ZFYVE9: variants seen among roughly 807,000 people sequenced by gnomAD.
The protein encoded by ZFYVE9 is zinc finger FYVE domain-containing protein 9.
In ZFYVE9, 43 loss-of-function variants were observed where a neutral mutation model predicts 126.7. The ratio of observed to expected loss-of-function variants is 0.34; its 90% CI spans 0.27 to 0.44. ZFYVE9 has a LOEUF of 0.44. Ranked by LOEUF, ZFYVE9 falls within the 20% of genes least tolerant of loss-of-function variation. The pLI, the probability that ZFYVE9 is intolerant of heterozygous loss-of-function variation, is 1.00. For missense variants in ZFYVE9, 1,476 were observed against 1,697.0 expected, an observed-to-expected ratio of 0.87 and a Z score of 2.29; for synonymous variants, 521 against 597.4, an observed-to-expected ratio of 0.87 and a Z score of 1.87.
chr1:52,287,121 G>A (rs1349593043), intron 10 of ZFYVE9, among the ~76,000 whole-genome samples: 1 of 151,704 alleles, frequency 6.6e-6, no homozygotes, highest in Non-Finnish European at 1.5e-5. Flanking sequence ...GCAGAGTCTC[G>A]CTGTGTCGCC....
At chr1:52,223,208 T>G (rs933960938) in intron 2 of ZFYVE9, among the ~76,000 whole-genome samples, 1 of 152,152 alleles carries the variant, frequency 6.6e-6, no homozygotes, top group East Asian at 1.9e-4. Flanking sequence ...TTCTTTTCCC[T>G]CTCCCATTCA....
intron 12 of ZFYVE9, among the ~76,000 whole-genome samples, chr1:52,296,605 A>G (rs1042035689): frequency 1.3e-5 from 2 of 152,096 alleles, no homozygotes; most frequent in Non-Finnish European, 2.9e-5. Flanking sequence ...TGCTGCATAT[A>G]TGCACAGACT....
chr1:52,255,804 G>A (rs1645501387), intron 4 of ZFYVE9, among the ~76,000 whole-genome samples: 2 of 151,880 alleles, frequency 1.3e-5, no homozygotes, highest in South Asian at 4.2e-4. Flanking sequence ...GCAGTGAGCC[G>A]AGATTGCATC....
intron 8 of ZFYVE9, among the ~76,000 whole-genome samples, chr1:52,277,412 C>G (rs1047297341): frequency 1.6e-4 from 25 of 152,032 alleles, no homozygotes; most frequent in African/African-American, 5.8e-4. Context: ...CTTCTCCTAC[C>G]AAGAAAGAAC....
At chr1:52,291,458 T>C (rs1645919735) in intron 10 of ZFYVE9, among the ~76,000 whole-genome samples, 1 of 152,240 alleles carries the variant, frequency 6.6e-6, no homozygotes, top group African/African-American at 2.4e-5. Context: ...TGTTCCATCA[T>C]TGAGCAGCTC....
chr1:52,156,279 C>G (rs948785578), intron 1 of ZFYVE9, among the ~76,000 whole-genome samples: 3 of 152,214 alleles, frequency 2.0e-5, no homozygotes, highest in Admixed American at 6.5e-5. Flanking sequence ...CATACTACAT[C>G]TAGCATGGCA....
chr1:52,284,666 G>T (rs574641111), intron 10 of ZFYVE9, among the ~76,000 whole-genome samples: 1 of 152,062 alleles, frequency 6.6e-6, no homozygotes, highest in Admixed American at 6.5e-5. Flanking sequence ...TGATCCGCCC[G>T]CCTCGGCCTC....
intron 1 of ZFYVE9, chr1:52,162,923 A>G: frequency 2.0e-6 from 1 of 504,226 alleles, no homozygotes; most frequent in Non-Finnish European, 3.8e-6. Flanking sequence ...CGAGATCCTG[A>G]CCATCTCTCC....
intron 13 of ZFYVE9, among the ~76,000 whole-genome samples, chr1:52,309,324 A>G (rs1353519238): frequency 6.6e-6 from 1 of 152,122 alleles, no homozygotes; most frequent in African/African-American, 2.4e-5. Context: ...AAAAAATACA[A>G]AAAATTAGCT....
intron 2 of ZFYVE9, among the ~76,000 whole-genome samples, chr1:52,227,635 A>T (rs1572115949): frequency 6.6e-6 from 1 of 152,254 alleles, no homozygotes; most frequent in African/African-American, 2.4e-5. Context: ...GTTAAAACTC[A>T]TAGGAAGAGC....
rs928881894 is a variant in ZFYVE9 at position 52,162,018 on chromosome 1, ATCT to A, written c.-143+19617_-143+19619del. Among the ~76,000 whole-genome samples the A allele has an allele frequency of 4.6e-5, 7 of 151,996 alleles. No individual in the cohort carries two copies. In the East Asian group the frequency reaches 5.8e-4, roughly 13 times the overall value. On this transcript the variant is annotated intron_variant, in intron 1 of 18. Coordinates refer to ENST00000287727, the MANE Select transcript of ZFYVE9 (RefSeq NM_004799.4). The stretch of plus-strand genomic sequence containing the variant: ...GTTTACTCAAAATGACAACAATTAC[ATCT>A]TTAGGAGTATAATGTAGATACTAAA...
At chr1:52,291,481 C>G (rs1050626766) in intron 10 of ZFYVE9, among the ~76,000 whole-genome samples, 1 of 152,168 alleles carries the variant, frequency 6.6e-6, no homozygotes, top group Non-Finnish European at 1.5e-5. Context: ...GTCAGAAAGT[C>G]CTTTTGCAAT....
intron 1 of ZFYVE9, among the ~76,000 whole-genome samples, chr1:52,174,085 A>G (rs2124528789): frequency 6.6e-6 from 1 of 151,698 alleles, no homozygotes; most frequent in Middle Eastern, 3.4e-3. Flanking sequence ...AGTTCTTTTA[A>G]TTGTGATGTT....
chr1:52,178,762 T>C (rs1644665658), intron 1 of ZFYVE9, among the ~76,000 whole-genome samples: 1 of 152,146 alleles, frequency 6.6e-6, no homozygotes. Flanking sequence ...TAATATAAAT[T>C]AGAGTAGTAA....
At position 52,281,708 on chromosome 1, in the gene ZFYVE9, G is replaced by A. The variant is rs777525082; in HGVS notation, c.2917G>A (p.Val973Met). ...WCFTTKGMHAVGQSEIVILLQ... is the reference protein window; with the variant it reads ...WCFTTKGMHAMGQSEIVILLQ... ...TTTCACAACCAAGGGAATGCATGCA[G>A]TGGGTCAGTCTGAGATAGTCATTCT... Residue 973 changes from valine (V) to methionine (M), a missense_variant, in exon 10 of 19, where the codon GTG (valine) becomes ATG (methionine). Coordinates refer to ENST00000287727, the MANE Select transcript of ZFYVE9 (RefSeq NM_004799.4). 14 of 1,614,190 alleles carry A rather than the reference G, an allele frequency of 8.7e-6. No individual in the cohort carries two copies. Among genetic ancestry groups the A allele is most frequent in the Non-Finnish European group, 1.2e-5 (14 of 1,180,022 alleles).
At chr1:52,192,801 G>A (rs923076560) in intron 1 of ZFYVE9, among the ~76,000 whole-genome samples, 3 of 152,124 alleles carry the variant, frequency 2.0e-5, no homozygotes, top group Non-Finnish European at 4.4e-5. Flanking sequence ...GGCTAAAAAA[G>A]TAAAAATATA....
chr1:52,326,265 G>C (rs899612450), intron 13 of ZFYVE9, among the ~76,000 whole-genome samples: 1 of 152,174 alleles, frequency 6.6e-6, no homozygotes, highest in Non-Finnish European at 1.5e-5. Flanking sequence ...GGAGCTACCT[G>C]GTTGAATTAT....
At chr1:52,162,407 C>T (rs1256152273) in intron 1 of ZFYVE9, 20 of 300,040 alleles carry the variant, frequency 6.7e-5, no homozygotes, top group Admixed American at 4.0e-4. Flanking sequence ...CATATAGATG[C>T]CTGGTATAGG....
intron 9 of ZFYVE9, among the ~76,000 whole-genome samples, chr1:52,279,028 C>T (rs566086820): frequency 1.2e-4 from 19 of 152,052 alleles, no homozygotes; most frequent in African/African-American, 4.3e-4. Flanking sequence ...CATGAGCCAC[C>T]GCGCCTGGCC....
Sources: gnomAD v4.1 joint callset for allele counts (sites outside exome capture counted in the v4.1 genomes callset) on GRCh38, gnomAD v4.1.1 for gene constraint, MANE v1.5 for transcripts, NCBI Gene and HGNC (gene_info 2026-07-23, HGNC 2026-07-21) for gene names.